Variants in CD80 observed in about 807,000 individuals in gnomAD.
CD80 encodes T-lymphocyte activation antigen CD80.
In CD80, 13 loss-of-function variants were observed where a neutral mutation model predicts 27.1. That is an observed-to-expected ratio of 0.48 (90% CI 0.31 to 0.76). CD80 has a LOEUF of 0.76. Among genes scored for constraint, CD80 ranks in the 30% least tolerant of loss-of-function variants. The pLI is 0.04. For missense variants in CD80, 277 were observed against 347.9 expected (o/e 0.80, Z 1.62); for synonymous variants, 125 against 125.5 (o/e 1.00, Z 0.03).
chr3:119,551,296 A>G (rs1390495325), intron 2 of CD80, among the ~76,000 whole-genome samples: 1 of 152,148 alleles, frequency 6.6e-6, no homozygotes, highest in Non-Finnish European at 1.5e-5. Context: ...TACTATTGCT[A>G]TGATTTGAAT....
chr3:119,526,937 TG>T (rs2082070613), intron 6 of CD80, among the ~76,000 whole-genome samples: 1 of 152,210 alleles, frequency 6.6e-6, no homozygotes. Context: ...TAATGTCCCA[TG>T]TAAGTTTCTC....
At chr3:119,528,290 A>G (rs927648052) in intron 5 of CD80, among the ~76,000 whole-genome samples, 8 of 152,144 alleles carry the variant, frequency 5.3e-5, no homozygotes, top group African/African-American at 1.9e-4. Context: ...CATACTCTCT[A>G]AAGAATTCAC....
rs117351132 is a variant in CD80, at chr3:119,548,273, C to T, written c.101-3406G>A. Reference sequence around the variant, plus strand: ...CTGGGATTACAAGTGTGAGCCACCACGCCTAGCATGATGAGACATCGTGAG... The same window carrying T: ...CTGGGATTACAAGTGTGAGCCACCATGCCTAGCATGATGAGACATCGTGAG... On this transcript the variant is annotated intron_variant, in intron 2 of 6. Coordinates refer to ENST00000264246, the MANE Select transcript of CD80 (RefSeq NM_005191.4). 1.6e-3 allele frequency among the ~76,000 whole-genome samples: 236 copies of T among 152,216 alleles called. 3 individuals are homozygous for T. The East Asian group carries it at 0.037, about 24-fold the overall frequency.
At chr3:119,553,587 G>A (rs1160407815) in intron 2 of CD80, among the ~76,000 whole-genome samples, 2 of 152,162 alleles carry the variant, frequency 1.3e-5, no homozygotes, top group African/African-American at 4.8e-5. Context: ...AGTCTGCAGT[G>A]CCCCTCCCAG....
intron 4 of CD80, among the ~76,000 whole-genome samples, chr3:119,533,324 C>CT (rs1278145192): frequency 6.6e-6 from 1 of 152,034 alleles, no homozygotes; most frequent in Non-Finnish European, 1.5e-5. Flanking sequence ...GATGTATCTC[C>CT]TTCCAGTTTA....
intron 3 of CD80, among the ~76,000 whole-genome samples, chr3:119,541,852 C>T (rs1329128164): frequency 6.6e-6 from 1 of 152,190 alleles, no homozygotes; most frequent in Non-Finnish European, 1.5e-5. Flanking sequence ...CTCACATTGT[C>T]CCCTTAGCTG....
Position 119,537,206 on chromosome 3 carries a change from T to C in CD80, c.631A>G (p.Asn211Asp), listed in dbSNP as rs2082144032. The C allele has an allele frequency of 6.2e-7, 1 of 1,614,012 alleles. No homozygotes were observed. The highest frequency in any genetic ancestry group is 1.3e-5 in the African/African-American group (1 of 74,930). The change falls in exon 4 of 7, where the codon AAC becomes GAC. Residue 211 changes from asparagine (N) to aspartate (D), a missense_variant. Transcript: ENST00000264246. ...SSKLDFNMTT[N>D]HSFMCLIKYG... ...TTGATGAGACACATGAAGCTGTGGT[T>C]GGTTGTCATATTGAAATCCAGTTTG...
rs1427598493 is a variant in CD80 at position 119,544,589 on chromosome 3, T to A, written c.379A>T (p.Lys127Ter). 1 of 1,614,046 alleles carries A rather than the reference T, an allele frequency of 6.2e-7. No individual in the cohort carries two copies. The highest frequency in any genetic ancestry group is 8.5e-7 in the Non-Finnish European group (1 of 1,179,988). ...GTCACTTCAGCCAGGTGTTCCCGCT[T>A]GAAAGCGTCTTTTTCATACTTCAGA... Reference protein sequence around the residue: ...VVLKYEKDAFKREHLAEVTLS... With the variant: ...VVLKYEKDAF Residue 127 changes from lysine to a stop codon, truncating the protein, a stop_gained, in exon 3 of 7, where the codon AAG becomes TAG. Coordinates refer to ENST00000264246, the MANE Select transcript of CD80 (RefSeq NM_005191.4). LOFTEE classifies it high-confidence loss of function.
intron 2 of CD80, among the ~76,000 whole-genome samples, chr3:119,549,768 C>A (rs988539698): frequency 4.6e-5 from 7 of 152,132 alleles, no homozygotes; most frequent in Non-Finnish European, 5.9e-5. Flanking sequence ...GTTGCCAGTC[C>A]CTGCTTTAGG....
At chr3:119,557,354 G>A (rs965944913) in intron 2 of CD80, among the ~76,000 whole-genome samples, 2 of 152,228 alleles carry the variant, frequency 1.3e-5, no homozygotes, top group South Asian at 2.1e-4. Flanking sequence ...ATTATGAATC[G>A]GCTGTATGGT....
At chr3:119,537,728 G>A (rs2082147058) in intron 3 of CD80, among the ~76,000 whole-genome samples, 1 of 152,204 alleles carries the variant, frequency 6.6e-6, no homozygotes, top group Admixed American at 6.5e-5. Context: ...CTTGAACCCA[G>A]AGGGTGGAGA....
chr3:119,559,129 C>A (rs765826634), intron 1 of CD80, among the ~76,000 whole-genome samples: 1 of 152,164 alleles, frequency 6.6e-6, no homozygotes, highest in Non-Finnish European at 1.5e-5. Context: ...CTCAACCTCC[C>A]GAGCTCAAGC....
At chr3:119,530,906 CA>C (rs2082106362) in intron 4 of CD80, among the ~76,000 whole-genome samples, 1 of 152,210 alleles carries the variant, frequency 6.6e-6, no homozygotes, top group African/African-American at 2.4e-5. Flanking sequence ...AAGGATACGA[CA>C]CAGTGCTCTC....
rs760924166 is a variant in CD80, at chr3:119,544,630, G to A, written c.338C>T (p.Thr113Ile). 1.9e-6 allele frequency: 3 copies of A among 1,614,192 alleles called. No homozygotes were observed. The highest frequency in any genetic ancestry group is 2.2e-5 in the East Asian group (1 of 44,882). Residue 113 changes from threonine (T) to isoleucine (I), a missense_variant, in exon 3 of 7, where the codon ACA (threonine) becomes ATA (isoleucine). Transcript: ENST00000264246. ...ILALRPSDEG[T>I]YECVVLKYEK... ...ATACTTCAGAACAACACACTCGTAT[G>A]TGCCCTCGTCAGATGGGCGCAGAGC...
chr3:119,526,879 T>C (rs2082070293), intron 6 of CD80, among the ~76,000 whole-genome samples: 1 of 152,202 alleles, frequency 6.6e-6, no homozygotes, highest in Non-Finnish European at 1.5e-5. Flanking sequence ...CTGAACTGTT[T>C]AGGGAGGCTT....
intron 1 of CD80, among the ~76,000 whole-genome samples, chr3:119,558,862 A>C (rs1236721743): frequency 6.6e-6 from 1 of 151,998 alleles, no homozygotes; most frequent in Non-Finnish European, 1.5e-5. Flanking sequence ...GAAAATAAAC[A>C]CTGTGCTCCA....
intron 2 of CD80, among the ~76,000 whole-genome samples, chr3:119,551,523 T>G (rs940052126): frequency 3.3e-5 from 5 of 152,130 alleles, no homozygotes; most frequent in African/African-American, 1.2e-4. Flanking sequence ...TCTCCTGCCT[T>G]TCTATCCTCT....
intron 2 of CD80, among the ~76,000 whole-genome samples, chr3:119,550,259 C>CTAT: frequency 6.6e-6 from 1 of 152,242 alleles, no homozygotes; most frequent in East Asian, 1.9e-4. Context: ...CCCCACCGAA[C>CTAT]TATTCATTCC....
At chr3:119,533,080 T>A (rs796831475) in intron 4 of CD80, among the ~76,000 whole-genome samples, 7 of 152,320 alleles carry the variant, frequency 4.6e-5, no homozygotes, top group African/African-American at 1.7e-4. Flanking sequence ...TTTCACAGGC[T>A]TCAGCTCATT....
Sources: allele counts gnomAD v4.1 joint callset (sites outside exome capture counted in the v4.1 genomes callset), GRCh38; gene constraint gnomAD v4.1.1; transcripts MANE v1.5; gene names NCBI Gene and HGNC (gene_info 2026-07-23, HGNC 2026-07-21).